The following CACNA2D3 variants were observed in gnomAD, a reference collection of about 807,000 sequenced individuals.
CACNA2D3 encodes calcium voltage-gated channel auxiliary subunit alpha2delta 3.
CACNA2D3 carries 60 observed loss-of-function variants against 160.6 expected under a neutral mutation model. The ratio of observed to expected loss-of-function variants is 0.37; its 90% CI spans 0.30 to 0.46. CACNA2D3 has a LOEUF of 0.46. Among genes scored for constraint, CACNA2D3 ranks in the 20% least tolerant of loss-of-function variants. The pLI is 1.00. For missense variants in CACNA2D3, 1,205 were observed against 1,365.0 expected, an observed-to-expected ratio of 0.88 and a Z score of 1.85; for synonymous variants, 558 against 492.9, an observed-to-expected ratio of 1.13 and a Z score of -1.75.
intron 2 of CACNA2D3, among the ~76,000 whole-genome samples, chr3:54,280,486 A>T (rs532209941): frequency 6.6e-6 from 1 of 152,232 alleles, no homozygotes; most frequent in African/African-American, 2.4e-5. Context: ...TGTATTCATT[A>T]AAGTTCTAAT....
At chr3:54,350,303 T>A (rs1028178985) in intron 3 of CACNA2D3, among the ~76,000 whole-genome samples, 1 of 152,224 alleles carries the variant, frequency 6.6e-6, no homozygotes, top group Non-Finnish European at 1.5e-5. Flanking sequence ...TTTAAATGGA[T>A]ATTTCAGATA....
chr3:54,159,249 A>T (rs886746940), intron 2 of CACNA2D3, among the ~76,000 whole-genome samples: 2 of 152,140 alleles, frequency 1.3e-5, no homozygotes, highest in Admixed American at 1.3e-4. Context: ...TTATACCCAA[A>T]CATCCCTGAT....
At chr3:54,947,248 G>A (rs1304753841) in intron 27 of CACNA2D3, among the ~76,000 whole-genome samples, 1 of 152,058 alleles carries the variant, frequency 6.6e-6, no homozygotes, top group Non-Finnish European at 1.5e-5. Context: ...CTAATTCTGA[G>A]CCCACCTTTA....
At chr3:54,137,584 T>C (rs1273675385) in intron 2 of CACNA2D3, among the ~76,000 whole-genome samples, 1 of 152,226 alleles carries the variant, frequency 6.6e-6, no homozygotes, top group Non-Finnish European at 1.5e-5. Context: ...TCAAACTTCT[T>C]AAACCGTGGC....
At chr3:54,655,856 G>T (rs1266300745) in intron 11 of CACNA2D3, among the ~76,000 whole-genome samples, 1 of 152,180 alleles carries the variant, frequency 6.6e-6, no homozygotes, top group Admixed American at 6.5e-5. Flanking sequence ...CCATTTTCTA[G>T]AGTAGTGGTC....
At chr3:55,020,372 G>T (rs1312191425) in intron 35 of CACNA2D3, among the ~76,000 whole-genome samples, 1 of 146,834 alleles carries the variant, frequency 6.8e-6, no homozygotes, top group Non-Finnish European at 1.5e-5. Context: ...TGTATATTTT[G>T]TGATTCTATT....
intron 27 of CACNA2D3, among the ~76,000 whole-genome samples, chr3:54,908,216 T>C (rs781117849): frequency 4.0e-5 from 6 of 151,188 alleles, no homozygotes; most frequent in Non-Finnish European, 7.4e-5. Context: ...TTTCTAATAC[T>C]GTCTGTCTTT....
At chr3:54,266,916 C>CTT (rs367571999) in intron 2 of CACNA2D3, among the ~76,000 whole-genome samples, 1 of 150,828 alleles carries the variant, frequency 6.6e-6, no homozygotes, top group Non-Finnish European at 1.5e-5. Flanking sequence ...GGGACAGTGG[C>CTT]TTTTTTTTTG....
At chr3:54,291,277 C>G (rs1296751131) in intron 2 of CACNA2D3, among the ~76,000 whole-genome samples, 1 of 152,168 alleles carries the variant, frequency 6.6e-6, no homozygotes, top group Non-Finnish European at 1.5e-5. Context: ...CATCACCACA[C>G]AAATTTAAAA....
At chr3:54,792,289 C>G (rs1702773268) in intron 13 of CACNA2D3, among the ~76,000 whole-genome samples, 1 of 152,182 alleles carries the variant, frequency 6.6e-6, no homozygotes, top group South Asian at 2.1e-4. Context: ...CCCTCTCACT[C>G]AGTCCCTTTG....
intron 35 of CACNA2D3, among the ~76,000 whole-genome samples, chr3:55,066,493 T>A (rs140830484): frequency 9.5e-4 from 145 of 152,260 alleles, no homozygotes; most frequent in African/African-American, 3.3e-3. Flanking sequence ...TATCCCTGCG[T>A]TCCTCCCCAT....
chr3:54,755,117 G>T (rs1483640810), intron 12 of CACNA2D3, among the ~76,000 whole-genome samples: 1 of 152,172 alleles, frequency 6.6e-6, no homozygotes, highest in Admixed American at 6.5e-5. Flanking sequence ...CTGTGGGCAA[G>T]GCACAATATC....
intron 27 of CACNA2D3, among the ~76,000 whole-genome samples, chr3:54,900,634 T>A (rs1424388983): frequency 6.6e-6 from 1 of 152,102 alleles, no homozygotes; most frequent in Non-Finnish European, 1.5e-5. Flanking sequence ...GGTGATATGC[T>A]CCAAGCACCA....
intron 30 of CACNA2D3, among the ~76,000 whole-genome samples, chr3:54,986,953 A>G (rs2107107091): frequency 6.6e-6 from 1 of 152,306 alleles, no homozygotes; most frequent in Admixed American, 6.5e-5. Context: ...TCTTCATTCC[A>G]CCAAAGTTTG....
rs372175128 is a variant in CACNA2D3, at chr3:55,074,164, C to T, written c.3234C>T (p.Val1078=). The part of the protein sequence containing the change: ...GGAPSLQAQT[V]LLLLPLLLML... ...CGCCGAGTCTCCAAGCCCAGACAGT[C>T]CTCCTTCTGCTCCCTCTGCTTTTGA... The change falls in exon 38 of 38, where the codon GTC becomes GTT. Residue 1078 remains valine (V), a synonymous_variant. Coordinates refer to ENST00000474759, the MANE Select transcript of CACNA2D3 (RefSeq NM_018398.3). 1 of 1,613,798 alleles carries T rather than the reference C, an allele frequency of 6.2e-7. No homozygotes were observed.
At chr3:54,919,845 T>C (rs1232196467) in intron 27 of CACNA2D3, among the ~76,000 whole-genome samples, 1 of 152,178 alleles carries the variant, frequency 6.6e-6, no homozygotes, top group Non-Finnish European at 1.5e-5. Context: ...AGGTCACGAG[T>C]GGATGAAACA....
intron 27 of CACNA2D3, among the ~76,000 whole-genome samples, chr3:54,958,948 A>G (rs1701967556): frequency 6.6e-6 from 1 of 151,980 alleles, no homozygotes; most frequent in Non-Finnish European, 1.5e-5. Flanking sequence ...TACAAAAAAC[A>G]CAAAAATTGA....
intron 11 of CACNA2D3, among the ~76,000 whole-genome samples, chr3:54,752,143 AAG>A (rs1366281214): frequency 6.6e-6 from 1 of 152,208 alleles, no homozygotes; most frequent in African/African-American, 2.4e-5. Flanking sequence ...CACAGATGGT[AAG>A]AGAGTGTCTG....
chr3:54,260,236 A>T (rs1702378786), intron 2 of CACNA2D3, among the ~76,000 whole-genome samples: 1 of 152,142 alleles, frequency 6.6e-6, no homozygotes, highest in Admixed American at 6.6e-5. Context: ...ACTGCCTCAA[A>T]TTCTTAGCTT....
Sources: allele counts gnomAD v4.1 joint callset (sites outside exome capture counted in the v4.1 genomes callset), GRCh38; gene constraint gnomAD v4.1.1; transcripts MANE v1.5; gene names NCBI Gene and HGNC (gene_info 2026-07-23, HGNC 2026-07-21).